Variants in CEP85 observed in about 807,000 individuals in gnomAD.
CEP85 encodes the protein centrosomal protein of 85 kDa.
In CEP85, 58 loss-of-function variants were observed where a neutral mutation model predicts 93.7. That is an observed-to-expected ratio of 0.62 (90% CI 0.50 to 0.77). The LOEUF (loss-of-function observed/expected upper bound fraction) is 0.77. CEP85 is among the 30% of genes least tolerant of loss of function. CEP85 has a pLI of 0.00. For missense variants in CEP85, 868 were observed against 922.0 expected, an observed-to-expected ratio of 0.94 and a Z score of 0.76; for synonymous variants, 314 against 338.6, an observed-to-expected ratio of 0.93 and a Z score of 0.80.
chr1:26,252,314 C>T (rs4540650), intron 3 of CEP85, among the ~76,000 whole-genome samples: 80,159 of 151,722 alleles, frequency 0.53, 22,554 homozygotes, highest in Non-Finnish European at 0.65. Flanking sequence ...GGGCGGATCA[C>T]CTGAGGTTGG....
rs1222833757 is a variant in CEP85 at position 26,246,639 on chromosome 1, GA to G, written c.208+2323del. On this transcript the variant is annotated intron_variant, in intron 3 of 13. Coordinates refer to ENST00000451429, the MANE Select transcript of CEP85 (RefSeq NM_001319944.2). ...ATCTACTCGGGAGGCTGAGACAAGA[GA>G]ATTGCTTGAACCCGGGAGGCAGAGG... Among the ~76,000 whole-genome samples, 8 of 151,730 alleles carry G rather than the reference GA, an allele frequency of 5.3e-5. No individual in the cohort carries two copies. The South Asian group carries it at 1.7e-3, about 31-fold the overall frequency.
intron 4 of CEP85, among the ~76,000 whole-genome samples, chr1:26,256,601 T>TTTC (rs112382032): frequency 0.22 from 22,073 of 102,572 alleles, 1,805 homozygotes; most frequent in African/African-American, 0.29. Context: ...TTGTATTTTC[T>TTTC]TTTTTTTTTT....
chr1:26,269,814 T>C (rs1570038969), intron 9 of CEP85, among the ~76,000 whole-genome samples, 200 bp downstream of exon 9: 2 of 98,328 alleles, frequency 2.0e-5, no homozygotes, highest in Non-Finnish European at 3.9e-5. Context: ...TGAGACGGAG[T>C]CTTGCTCTGT....
Position 26,244,216 on chromosome 1 carries a change from C to T in CEP85, c.106C>T (p.Pro36Ser), listed in dbSNP as rs1557649622. The change falls in exon 3 of 14, where the codon CCA becomes TCA. Residue 36 changes from proline (P) to serine (S), a missense_variant. Coordinates refer to ENST00000451429, the MANE Select transcript of CEP85 (RefSeq NM_001319944.2). ...TTCCCTGGGGACTGAATGGCAGACC[C>T]CAGTTATCTCGGAGCCCTTTCGGAG... ...GSSLGTEWQT[P>S]VISEPFRSRF... is the part of the protein sequence containing the mutation. 5 of 1,613,480 alleles carry T rather than the reference C, an allele frequency of 3.1e-6. No individual in the cohort carries two copies. The South Asian group carries it at 5.5e-5, about 18-fold the overall frequency.
At chr1:26,245,073 T>G (rs1380958822) in intron 3 of CEP85, among the ~76,000 whole-genome samples, 1 of 152,080 alleles carries the variant, frequency 6.6e-6, no homozygotes, top group Non-Finnish European at 1.5e-5. Context: ...TTTGAGATGG[T>G]CTCACTCTGT....
intron 2 of CEP85, among the ~76,000 whole-genome samples, chr1:26,243,132 T>C (rs538494523): frequency 3.4e-4 from 50 of 147,934 alleles, no homozygotes; most frequent in African/African-American, 1.1e-3. Context: ...GATTTTCTTT[T>C]TTTTTTTTTT....
At chr1:26,271,150 G>C in intron 10 of CEP85, 43 bp downstream of exon 10, 1 of 1,224,984 alleles carries the variant, frequency 8.2e-7, no homozygotes, top group Non-Finnish European at 1.2e-6. Flanking sequence ...TAGGCTGGGA[G>C]GAAAGAGAAG....
chr1:26,240,624 G>A (rs2089406869), intron 2 of CEP85, among the ~76,000 whole-genome samples: 1 of 152,216 alleles, frequency 6.6e-6, no homozygotes. Flanking sequence ...GCCAGGCGCT[G>A]TGGCTCATGC....
chr1:26,254,232 T>C (rs529153489), intron 3 of CEP85, among the ~76,000 whole-genome samples: 4 of 152,206 alleles, frequency 2.6e-5, no homozygotes, highest in Non-Finnish European at 4.4e-5. Context: ...TTCAGTTTTC[T>C]GCCTGCTGAA....
chr1:26,267,402 A>G (rs1006783650), intron 7 of CEP85, among the ~76,000 whole-genome samples: 2 of 152,260 alleles, frequency 1.3e-5, no homozygotes, highest in South Asian at 4.1e-4. Flanking sequence ...CATCTGTACT[A>G]AAAATAGAAA....
chr1:26,266,420 T>G (rs1316925260), intron 7 of CEP85, among the ~76,000 whole-genome samples: 1 of 152,176 alleles, frequency 6.6e-6, no homozygotes, highest in Non-Finnish European at 1.5e-5. Context: ...GACTTTTGTT[T>G]CCTCCCCTGT....
intron 7 of CEP85, among the ~76,000 whole-genome samples, chr1:26,265,746 A>G (rs966128132): frequency 1.3e-5 from 2 of 152,124 alleles, no homozygotes; most frequent in African/African-American, 4.8e-5. Flanking sequence ...GCCCCAAGTC[A>G]TTTATCTCCC....
intron 4 of CEP85, among the ~76,000 whole-genome samples, chr1:26,256,497 C>G (rs2089703568): frequency 6.6e-6 from 1 of 151,860 alleles, no homozygotes; most frequent in African/African-American, 2.4e-5. Flanking sequence ...CGCCATTGCA[C>G]TCCAGTCTGG....
At chr1:26,261,686 GGAGTTTAA>G (rs887073753) in intron 7 of CEP85, among the ~76,000 whole-genome samples, 5 of 150,254 alleles carry the variant, frequency 3.3e-5, no homozygotes, top group African/African-American at 1.2e-4. Context: ...CTTGAGCTCA[GGAGTTTAA>G]GACAAGCCTG....
intron 6 of CEP85, among the ~76,000 whole-genome samples, chr1:26,258,622 T>C (rs77556855): frequency 1.4e-4 from 22 of 151,776 alleles, no homozygotes; most frequent in South Asian, 4.2e-4. Flanking sequence ...TTTTTTTTTT[T>C]CCCCTGCTCT....
intron 11 of CEP85, among the ~76,000 whole-genome samples, chr1:26,272,560 A>C (rs2089990611): frequency 6.7e-6 from 1 of 148,814 alleles, no homozygotes; most frequent in African/African-American, 2.5e-5. Context: ...GAAGGGCCTT[A>C]TCTATCAACT....
Position 26,244,147 on chromosome 1 carries a change from G to A in CEP85, c.56-19G>A, listed in dbSNP as rs986923682. The A allele has an allele frequency of 9.3e-6, 15 of 1,610,236 alleles. No individual in the cohort carries two copies. The highest frequency in any genetic ancestry group is 1.3e-5 in the Non-Finnish European group (15 of 1,177,932). ...ATCAGCTGGTTCACAGTAAAGGTGGGAAATGCCTCTTGTTTCAGGTTCCGA... is the reference window on the plus strand; with the variant it reads ...ATCAGCTGGTTCACAGTAAAGGTGGAAAATGCCTCTTGTTTCAGGTTCCGA... On this transcript the variant is annotated intron_variant, in intron 2 of 13. Coordinates refer to ENST00000451429, the MANE Select transcript of CEP85 (RefSeq NM_001319944.2).
intron 8 of CEP85, 200 bp from the exon 9 acceptor site, chr1:26,269,260 T>C: frequency 1.7e-6 from 1 of 575,946 alleles, no homozygotes; most frequent in Non-Finnish European, 3.1e-6. Context: ...AAATAAGAAC[T>C]CCTTCCCCTC....
chr1:26,259,621 T>G lies in CEP85; in HGVS notation c.1160T>G (p.Leu387Trp), dbSNP rs2089775068. Reference sequence around the variant, plus strand: ...TATTGAGAATCTTTCTGGCAGGAATTGCAGCGAGAAAACACTTTCTTACGT... The same window carrying G: ...TATTGAGAATCTTTCTGGCAGGAATGGCAGCGAGAAAACACTTTCTTACGT... ...GDVCLLRLQE[L>W]QRENTFLRAQ... Residue 387 changes from leucine (L) to tryptophan (W), a missense_variant, in exon 7 of 14, where the codon TTG (leucine) becomes TGG (tryptophan). Transcript: ENST00000451429. The G allele has an allele frequency of 1.2e-6, 2 of 1,606,028 alleles. No individual in the cohort carries two copies.
Sources: gnomAD v4.1 joint callset for allele counts (sites outside exome capture counted in the v4.1 genomes callset) on GRCh38, gnomAD v4.1.1 for gene constraint, MANE v1.5 for transcripts, NCBI Gene and HGNC (gene_info 2026-07-23, HGNC 2026-07-21) for gene names.